RAD51D: variants seen among roughly 807,000 people sequenced by gnomAD.
RAD51D encodes RAD51 paralog D.
Under a neutral mutation model 44.1 loss-of-function variants are expected in RAD51D, and 38 were observed. That is an observed-to-expected ratio of 0.86 (90% CI 0.67 to 1.13). The LOEUF is 1.13. RAD51D is among the 50% of genes most tolerant of loss of function. RAD51D has a pLI of 0.00. For missense variants in RAD51D, 390 were observed against 414.0 expected, an observed-to-expected ratio of 0.94 and a Z score of 0.50; for synonymous variants, 141 against 166.6, an observed-to-expected ratio of 0.85 and a Z score of 1.18.
chr17:35,094,363 G>C lies in RAD51D; in HGVS notation c.*6590C>G, dbSNP rs1453881124. 1 of 152,180 alleles carries C rather than the reference G, an allele frequency of 6.6e-6. No homozygotes were observed. The highest frequency in any genetic ancestry group is 6.5e-5 in the Admixed American group (1 of 15,276). 9.4% of individuals were successfully genotyped at this position (152,180 alleles called of 1,614,324 possible). On this transcript the variant is annotated 3_prime_UTR_variant, in exon 10 of 10. Transcript: ENST00000345365. ...ATGATCCACCCACCTCAGCCTCCCA[G>C]AGCGCTGAGATGACAGGCGTGAGCC...
At position 35,099,470 on chromosome 17, in the gene RAD51D, C is replaced by A. The variant is rs2091510694; in HGVS notation, c.*1483G>T. 4.8e-6 allele frequency: 1 copy of A among 206,492 alleles called. No homozygotes were observed. The highest frequency in any genetic ancestry group is 1.0e-5 in the Non-Finnish European group (1 of 99,900). 12.8% of individuals were successfully genotyped at this position (206,492 alleles called of 1,614,324 possible). On this transcript the variant is annotated 3_prime_UTR_variant, in exon 10 of 10. Coordinates refer to ENST00000345365, the MANE Select transcript of RAD51D (RefSeq NM_002878.4). ...ATCTTACTGTGGTTGCAGGAATGTG[C>A]CAATCACCCATGGTATAAAGATACT...
At chr17:35,116,827 G>T in intron 3 of RAD51D, 1 of 1,442,558 alleles carries the variant, frequency 6.9e-7, no homozygotes, top group Non-Finnish European at 9.5e-7. Flanking sequence ...CATGCTCATT[G>T]GTGGTTGTGA....
At chr17:35,107,737 C>CTTTTTTTTTTTTTT (rs34531142) in intron 3 of RAD51D, among the ~76,000 whole-genome samples, 1 of 94,006 alleles carries the variant, frequency 1.1e-5, no homozygotes, top group East Asian at 4.3e-4. Context: ...TGTGGGTTTC[C>CTTTTTTTTTTTTTT]TTTTTTTTTT....
intron 2 of RAD51D, 135 bp downstream of exon 2, chr17:35,118,976 C>T: frequency 1.2e-6 from 1 of 804,012 alleles, no homozygotes. Flanking sequence ...CTCCTGACTT[C>T]TGACTCCAAG....
chr17:35,094,880 G>A lies in RAD51D; in HGVS notation c.*6073C>T, dbSNP rs535396039. The stretch of plus-strand genomic sequence containing the variant: ...TACATAATAGAGCCTTGATTAACTC[G>A]TCTTTGGTACTACCGTAAGTACTAG... On this transcript the variant is annotated 3_prime_UTR_variant, in exon 10 of 10. Transcript: ENST00000345365. 3.4e-5 allele frequency: 5 copies of A among 147,240 alleles called. 1 individual carries two copies. The highest frequency in any genetic ancestry group is 8.1e-5 in the African/African-American group (3 of 36,880). 9.1% of individuals were successfully genotyped at this position (147,240 alleles called of 1,614,324 possible).
In RAD51D at chr17:35,095,616, C is replaced by T. The variant is rs1292114568; in HGVS notation, c.*5337G>A. The T allele has an allele frequency of 2.0e-5, 3 of 152,154 alleles. No homozygotes were observed. Among genetic ancestry groups the T allele is most frequent in the African/African-American group, 4.8e-5 (2 of 41,404 alleles). 9.4% of individuals were successfully genotyped at this position (152,154 alleles called of 1,614,324 possible). On this transcript the variant is annotated 3_prime_UTR_variant, in exon 10 of 10. Transcript: ENST00000345365. The stretch of plus-strand genomic sequence containing the variant: ...ACCAGCCATGGCCAACATGATGAAA[C>T]CCCATCTCTACTAAAAATACAAAAA...
At chr17:35,109,965 C>CTTTTTTTTT (rs60553944) in intron 3 of RAD51D, among the ~76,000 whole-genome samples, 2 of 132,816 alleles carry the variant, frequency 1.5e-5, no homozygotes, top group African/African-American at 5.9e-5. Flanking sequence ...CCACGCCTGG[C>CTTTTTTTTT]TTTTTTTTTT....
Position 35,106,427 on chromosome 17 carries a change from G to C in RAD51D, c.535C>G (p.Leu179Val), listed in dbSNP as rs1597861729. 1.9e-6 allele frequency: 3 copies of C among 1,613,422 alleles called. No individual in the cohort carries two copies. The highest frequency in any genetic ancestry group is 2.5e-6 in the Non-Finnish European group (3 of 1,179,736). The part of the protein sequence containing the change: ...VVHAFDIFQM[L>V]DVLQELRGTV... Reference sequence around the variant, plus strand: ...CCTCGGAGCTCCTGCAGCACATCCAGCATCTGGAAGATGTCAAATGCATGC... The same window carrying C: ...CCTCGGAGCTCCTGCAGCACATCCACCATCTGGAAGATGTCAAATGCATGC... Residue 179 changes from leucine to valine, a missense_variant, in exon 6 of 10, where the codon CTG (leucine) becomes GTG (valine). Transcript: ENST00000345365.
chr17:35,108,668 C>A (rs920880742), intron 3 of RAD51D, among the ~76,000 whole-genome samples: 1 of 151,988 alleles, frequency 6.6e-6, no homozygotes, highest in Non-Finnish European at 1.5e-5. Flanking sequence ...TAGATTTACA[C>A]GACTACTATA....
rs1316722788 is a variant in RAD51D at position 35,097,540 on chromosome 17, T to C, written c.*3413A>G. The C allele has an allele frequency of 6.6e-6, 1 of 151,428 alleles. No homozygotes were observed. Among genetic ancestry groups the C allele is most frequent in the Non-Finnish European group, 1.5e-5 (1 of 67,886 alleles). 9.4% of individuals were successfully genotyped at this position (151,428 alleles called of 1,614,324 possible). A position where few individuals can be genotyped will look rare whatever the true frequency, so the allele number is the denominator to read the frequency against. ...GTGTATATATATATATATATGTATA[T>C]GTATATGTATATTTTTTTCCTAAGA... On this transcript the variant is annotated 3_prime_UTR_variant, in exon 10 of 10. Coordinates refer to ENST00000345365, the MANE Select transcript of RAD51D (RefSeq NM_002878.4).
chr17:35,103,805 G>A lies in RAD51D; in HGVS notation c.577-261C>T, dbSNP rs1229460362. Among the ~76,000 whole-genome samples, 3 of 152,332 alleles carry A rather than the reference G, an allele frequency of 2.0e-5. No individual in the cohort carries two copies. The highest frequency in any genetic ancestry group is 1.9e-4 in the East Asian group (1 of 5,178). ...CAAAACTACACTAAAGTGGCTGGGC[G>A]CAGTGGCTCACGCCTGTAATCCCAG... On this transcript the variant is annotated intron_variant, in intron 6 of 9. Coordinates refer to ENST00000345365, the MANE Select transcript of RAD51D (RefSeq NM_002878.4). The surrounding 1 kb of genome is among the most constrained non-coding windows in gnomAD (Gnocchi z 4.1).
chr17:35,116,984 G>C lies in RAD51D; in HGVS notation c.263+1517C>G. ...CCCCACTCCACGATCTCCCTGCGGG[G>C]ACCTGAGGCAGCTGCAGTCCTCCCA... On this transcript the variant is annotated intron_variant, in intron 3 of 9. Coordinates refer to ENST00000345365, the MANE Select transcript of RAD51D (RefSeq NM_002878.4). The C allele has an allele frequency of 2.5e-6, 4 of 1,613,926 alleles. No homozygotes were observed. The South Asian group carries it at 3.3e-5, about 13-fold the overall frequency.
Position 35,100,085 on chromosome 17 carries a change from T to C in RAD51D, c.*868A>G, listed in dbSNP as rs1227456505. The C allele has an allele frequency of 3.7e-6, 2 of 533,336 alleles. No individual in the cohort carries two copies. The highest frequency in any genetic ancestry group is 7.3e-6 in the Non-Finnish European group (2 of 275,738). The allele number at this position is 533,336 out of a possible 1,614,324, so 33.0% of individuals were successfully genotyped here. A position where few individuals can be genotyped will look rare whatever the true frequency, so the allele number is the denominator to read the frequency against. ...CTGTGCAAATTCTCCTCTGTCTGTT[T>C]ATGGGCAAGGCCATGGTTCAGCACC... On this transcript the variant is annotated 3_prime_UTR_variant, in exon 10 of 10. Coordinates refer to ENST00000345365, the MANE Select transcript of RAD51D (RefSeq NM_002878.4).
intron 2 of RAD51D, 37 bp from the exon 3 acceptor site, chr17:35,118,656 C>T (rs199578558): frequency 6.6e-7 from 1 of 1,522,508 alleles, no homozygotes; most frequent in Non-Finnish European, 9.1e-7. Context: ...CAACAAATTG[C>T]CCGTAGAAGC....
intron 3 of RAD51D, among the ~76,000 whole-genome samples, chr17:35,114,315 GT>G (rs1032632918): frequency 2.0e-5 from 3 of 151,616 alleles, no homozygotes; most frequent in African/African-American, 7.3e-5. Context: ...AATCAGGGGA[GT>G]TTTTTAAAAA....
At position 35,100,996 on chromosome 17, in the gene RAD51D, C is replaced by A. The variant is rs786203144; in HGVS notation, c.944G>T (p.Gly315Val). The stretch of plus-strand genomic sequence containing the variant: ...TAATGTGGCACTCTGCTCTGAGGTC[C>A]CCCAGGTCCCAATGTCTACCATCTC... ...FQEMVDIGTW[G>V]TSEQSATLQG... The change falls in exon 10 of 10, where the codon GGG (glycine) becomes GTG (valine). Residue 315 changes from glycine to valine, a missense_variant. By Grantham distance (109) the Gly-to-Val change is moderately radical (BLOSUM62 -3). Coordinates refer to ENST00000345365, the MANE Select transcript of RAD51D (RefSeq NM_002878.4). 6.2e-7 allele frequency: 1 copy of A among 1,613,858 alleles called. No individual in the cohort carries two copies. Among genetic ancestry groups the A allele is most frequent in the African/African-American group, 1.3e-5 (1 of 75,020 alleles).
At position 35,104,838 on chromosome 17, in the gene RAD51D, C is replaced by CT. The variant is rs777164109; in HGVS notation, c.577-1295dup. On this transcript the variant is annotated intron_variant, in intron 6 of 9. Coordinates refer to ENST00000345365, the MANE Select transcript of RAD51D (RefSeq NM_002878.4). Reference sequence around the variant, plus strand: ...TCTTTTTCTTTTCTTCTTTCTTTTTCTTTTTTTTTTTTTTAAGACAGGGTC... The same window carrying CT: ...TCTTTTTCTTTTCTTCTTTCTTTTTCTTTTTTTTTTTTTTTAAGACAGGGTC... 7.7e-3 allele frequency: 1,089 copies of CT among 141,906 alleles called. 8 individuals are homozygous for CT. Among genetic ancestry groups the CT allele is most frequent in the Non-Finnish European group, 0.011 (701 of 64,562 alleles). The allele number at this position is 141,906 out of a possible 1,614,324, so 8.8% of individuals were successfully genotyped here.
At chr17:35,107,737 CTTTTTTTTTT>C (rs34531142) in intron 3 of RAD51D, among the ~76,000 whole-genome samples, 1 of 94,006 alleles carries the variant, frequency 1.1e-5, no homozygotes, top group Non-Finnish European at 2.0e-5. Context: ...TGTGGGTTTC[CTTTTTTTTTT>C]TTTTTTTTTT....
At chr17:35,108,665 A>T (rs1179509571) in intron 3 of RAD51D, among the ~76,000 whole-genome samples, 1 of 152,072 alleles carries the variant, frequency 6.6e-6, no homozygotes, top group East Asian at 1.9e-4. Flanking sequence ...ATGTAGATTT[A>T]CACGACTACT....
Sources: allele counts gnomAD v4.1 joint callset (sites outside exome capture counted in the v4.1 genomes callset), GRCh38; gene constraint gnomAD v4.1.1; non-coding constraint Gnocchi (gnomAD v3.1); transcripts MANE v1.5; gene names NCBI Gene and HGNC (gene_info 2026-07-23, HGNC 2026-07-21).